The following WSCD2 variants were observed in gnomAD, a reference collection of about 807,000 sequenced individuals.
WSCD2 encodes WSC domain sialate O sulfotransferase 2.
WSCD2 carries 28 observed loss-of-function variants against 55.7 expected under a neutral mutation model. The ratio of observed to expected loss-of-function variants is 0.50; its 90% CI spans 0.37 to 0.69. The LOEUF is 0.69. Among genes scored for constraint, WSCD2 ranks in the 30% least tolerant of loss-of-function variants. The pLI, the probability that WSCD2 is intolerant of heterozygous loss-of-function variation, is 0.00. For synonymous variants in WSCD2, 301 were observed against 301.9 expected (o/e 1.00, Z 0.03); for missense variants, 616 against 762.1 (o/e 0.81, Z 2.26).
chr12:108,139,720 G>C (rs1814950076), intron 1 of WSCD2, among the ~76,000 whole-genome samples: 1 of 152,332 alleles, frequency 6.6e-6, no homozygotes, highest in South Asian at 2.1e-4. Flanking sequence ...ACAATACCTA[G>C]CACATAGTAA....
At position 108,206,507 on chromosome 12, in the gene WSCD2, A is replaced by G. The variant is rs1032999136; in HGVS notation, c.497+104A>G. On this transcript the variant is annotated intron_variant, in intron 3 of 8. Transcript: ENST00000547525. ...CTATGGGAGGGTGTGTTGAAGGGTGAGCACGTGACCACAGGAAAGGTTGAC... is the reference window on the plus strand; with the variant it reads ...CTATGGGAGGGTGTGTTGAAGGGTGGGCACGTGACCACAGGAAAGGTTGAC... 5.7e-5 allele frequency: 64 copies of G among 1,116,192 alleles called. 1 individual carries two copies. The highest frequency in any genetic ancestry group is 7.8e-5 in the Non-Finnish European group (59 of 759,438). The allele number at this position is 1,116,192 out of a possible 1,614,324, so 69.1% of individuals were successfully genotyped here.
chr12:108,223,941 T>C (rs1887800380), intron 4 of WSCD2, among the ~76,000 whole-genome samples: 1 of 152,200 alleles, frequency 6.6e-6, no homozygotes. Flanking sequence ...CCAGCTGAGA[T>C]CACATCCTCA....
chr12:108,197,297 T>C (rs1884046435), intron 2 of WSCD2: 1 of 152,278 alleles, frequency 6.6e-6, no homozygotes, highest in African/African-American at 2.4e-5. Flanking sequence ...CACATTCTCC[T>C]GCCCCAGTCC....
intron 1 of WSCD2, among the ~76,000 whole-genome samples, chr12:108,178,319 T>C (rs1484087309): frequency 2.0e-5 from 3 of 152,158 alleles, no homozygotes; most frequent in Admixed American, 6.5e-5. Flanking sequence ...CCAGCATCTA[T>C]GGTGACCAGC....
intron 1 of WSCD2, among the ~76,000 whole-genome samples, chr12:108,176,614 A>T (rs535064791): frequency 6.6e-6 from 1 of 152,260 alleles, no homozygotes; most frequent in Non-Finnish European, 1.5e-5. Flanking sequence ...AAATATTTGC[A>T]TGCAGATTTT....
Position 108,182,839 on chromosome 12 carries a change from G to GT in WSCD2, c.-551-12432dup, listed in dbSNP as rs370074193. On this transcript the variant is annotated intron_variant, in intron 1 of 8. Coordinates refer to ENST00000547525, the MANE Select transcript of WSCD2 (RefSeq NM_014653.4). Reference sequence around the variant, plus strand: ...ATAACTTTTTCCTCCTTTTAATATAGTTTTTTTTTTTCCTTGCACAGAACG... The same window carrying GT: ...ATAACTTTTTCCTCCTTTTAATATAGTTTTTTTTTTTTCCTTGCACAGAACG... Among the ~76,000 whole-genome samples, 371 of 148,172 alleles carry GT rather than the reference G, an allele frequency of 2.5e-3. 1 individual carries two copies. The highest frequency in any genetic ancestry group is 3.6e-3 in the Middle Eastern group (1 of 280).
chr12:108,176,451 C>A (rs1194520758), intron 1 of WSCD2, among the ~76,000 whole-genome samples: 1 of 152,234 alleles, frequency 6.6e-6, no homozygotes, highest in East Asian at 1.9e-4. Flanking sequence ...CGGCATAATG[C>A]ATGATGCCTT....
chr12:108,239,582 C>T (rs73401819), intron 7 of WSCD2, among the ~76,000 whole-genome samples: 4,853 of 152,278 alleles, frequency 0.032, 258 homozygotes, highest in African/African-American at 0.11. Flanking sequence ...CTTCCGCCCT[C>T]ATTCTATGGG....
chr12:108,225,601 A>G (rs1887994126), intron 5 of WSCD2, among the ~76,000 whole-genome samples: 1 of 108,888 alleles, frequency 9.2e-6, no homozygotes, highest in South Asian at 3.5e-4. Flanking sequence ...GCCAGGCAGC[A>G]GTGTCATTCA....
At chr12:108,207,361 T>C (rs904796264) in intron 3 of WSCD2, among the ~76,000 whole-genome samples, 1 of 151,826 alleles carries the variant, frequency 6.6e-6, no homozygotes, top group East Asian at 1.9e-4. Context: ...TTCCTGCTGT[T>C]CTTTATTTTT....
Position 108,155,008 on chromosome 12 carries a change from C to A in WSCD2, c.-552+25082C>A, listed in dbSNP as rs530825843. ...TGCCCCAGATCCCAGCCTGCAGCTA[C>A]GGGGTAATGTTGTGGAAAGGATTCT... On this transcript the variant is annotated intron_variant, in intron 1 of 8. Coordinates refer to ENST00000547525, the MANE Select transcript of WSCD2 (RefSeq NM_014653.4). Among the ~76,000 whole-genome samples, 4 of 152,056 alleles carry A rather than the reference C, an allele frequency of 2.6e-5. No homozygotes were observed. In the East Asian group the frequency reaches 5.8e-4, roughly 22 times the overall value.
chr12:108,225,075 G>GT (rs5800814), intron 5 of WSCD2, among the ~76,000 whole-genome samples: 105,149 of 152,108 alleles, frequency 0.69, 36,735 homozygotes, highest in East Asian at 0.87. Context: ...AAGGAAGTGA[G>GT]TTTAATACTG....
chr12:108,172,463 T>A (rs1880341265), intron 1 of WSCD2, among the ~76,000 whole-genome samples: 1 of 152,196 alleles, frequency 6.6e-6, no homozygotes, highest in Admixed American at 6.5e-5. Context: ...CAGAATTGGA[T>A]CTTATTTGGA....
intron 2 of WSCD2, among the ~76,000 whole-genome samples, chr12:108,196,713 C>A (rs1347214826): frequency 6.6e-6 from 1 of 152,218 alleles, no homozygotes; most frequent in African/African-American, 2.4e-5. Context: ...TCTGCTCCAC[C>A]AGACTGTCTC....
chr12:108,160,193 G>T (rs1241534140), intron 1 of WSCD2, among the ~76,000 whole-genome samples: 1 of 152,152 alleles, frequency 6.6e-6, no homozygotes, highest in Non-Finnish European at 1.5e-5. Context: ...GAAGATGGTT[G>T]GTGGGATGGG....
intron 7 of WSCD2, 194 bp downstream of exon 7, chr12:108,233,089 CAT>C: frequency 1.5e-6 from 1 of 656,442 alleles, no homozygotes; most frequent in East Asian, 2.9e-5. Flanking sequence ...TTTCTTAAGT[CAT>C]GTCCTGGATA....
chr12:108,138,648 G>A (rs996712052), intron 1 of WSCD2, among the ~76,000 whole-genome samples: 1 of 152,180 alleles, frequency 6.6e-6, no homozygotes, highest in Non-Finnish European at 1.5e-5. Flanking sequence ...GCACTAATGT[G>A]TCTGTGGGCA....
intron 4 of WSCD2, among the ~76,000 whole-genome samples, chr12:108,222,815 T>G (rs576699735): frequency 6.6e-6 from 1 of 152,322 alleles, no homozygotes; most frequent in East Asian, 1.9e-4. Flanking sequence ...GAAAAGAGTT[T>G]TACAAAGAGA....
intron 3 of WSCD2, among the ~76,000 whole-genome samples, chr12:108,209,085 C>T (rs544694710): frequency 6.6e-6 from 1 of 152,280 alleles, no homozygotes; most frequent in Admixed American, 6.5e-5. Flanking sequence ...CTCCCAGAGC[C>T]AGAGCAAGCA....
Sources: gnomAD v4.1 joint callset for allele counts (sites outside exome capture counted in the v4.1 genomes callset) on GRCh38, gnomAD v4.1.1 for gene constraint, MANE v1.5 for transcripts, NCBI Gene and HGNC (gene_info 2026-07-23, HGNC 2026-07-21) for gene names.